NRXN3: variants seen among roughly 807,000 people sequenced by gnomAD.
NRXN3 encodes neurexin 3.
A neutral mutation model predicts 137.6 loss-of-function variants in NRXN3; 32 were observed. The ratio of observed to expected loss-of-function variants is 0.23; its 90% confidence interval spans 0.18 to 0.31. NRXN3 has a LOEUF of 0.31. Ranked by LOEUF, NRXN3 falls within the 10% of genes least tolerant of loss-of-function variation. The pLI, the probability that NRXN3 is intolerant of heterozygous loss-of-function variation, is 1.00. For synonymous variants in NRXN3, 798 were observed against 784.5 expected (o/e 1.02, Z -0.29); for missense variants, 1,574 against 2,062.5 (o/e 0.76, Z 4.59).
At chr14:79,092,250 G>A (rs2049346774) in intron 15 of NRXN3, among the ~76,000 whole-genome samples, 1 of 152,196 alleles carries the variant, frequency 6.6e-6, no homozygotes, top group South Asian at 2.1e-4. Context: ...CAGAACTAAA[G>A]AGAAGATCAG....
chr14:78,251,628 A>G (rs56007990), intron 2 of NRXN3, among the ~76,000 whole-genome samples: 1 of 152,144 alleles, frequency 6.6e-6, no homozygotes, highest in South Asian at 2.1e-4. Flanking sequence ...CCATAGGTGG[A>G]CGAATCAGAG....
chr14:79,540,712 A>G lies in NRXN3; in HGVS notation c.3444+73310A>G, dbSNP rs1044495510. On this transcript the variant is annotated intron_variant, in intron 16 of 20. Transcript: ENST00000335750. ...GAGGACATGTAAATAAGATTGAGGG[A>G]GGTTCAAGAAGGCTTTTCAGGAGAG... Among the ~76,000 whole-genome samples, 5 of 152,198 alleles carry G rather than the reference A, an allele frequency of 3.3e-5. No individual in the cohort carries two copies. In the East Asian group the frequency reaches 9.6e-4, roughly 29 times the overall value.
chr14:79,637,946 T>C (rs1364748697), intron 16 of NRXN3, among the ~76,000 whole-genome samples: 1 of 151,916 alleles, frequency 6.6e-6, no homozygotes, highest in Non-Finnish European at 1.5e-5. Context: ...GCCAGGCTGG[T>C]CTTGAACTCC....
rs936171215 is a variant in NRXN3, at chr14:79,764,034, T to C, written c.4015-41078T>C. On this transcript the variant is annotated intron_variant, in intron 19 of 20. Transcript: ENST00000335750. The stretch of plus-strand genomic sequence containing the variant: ...ACACACAGGGAGGGTATGTTGTTTC[T>C]AAAGTAAAAATTAACTCTTTTGTAA... Among the ~76,000 whole-genome samples the C allele has an allele frequency of 4.1e-5, 6 of 148,124 alleles. No individual in the cohort carries two copies. In the East Asian group the frequency reaches 9.6e-4, roughly 24 times the overall value.
chr14:78,194,876 G>A (rs543598259), intron 1 of NRXN3, among the ~76,000 whole-genome samples: 1 of 152,344 alleles, frequency 6.6e-6, no homozygotes, highest in South Asian at 2.1e-4. Context: ...CCTTGGCACT[G>A]GTTTGAATGC....
At chr14:78,547,174 A>G (rs1408997615) in intron 4 of NRXN3, among the ~76,000 whole-genome samples, 2 of 151,640 alleles carry the variant, frequency 1.3e-5, no homozygotes, top group African/African-American at 4.8e-5. Context: ...TCTGATATCT[A>G]TGAAGTCCAG....
In NRXN3 at chr14:78,569,112, C is replaced by T. The variant is rs1402521322; in HGVS notation, c.758-76008C>T. On this transcript the variant is annotated intron_variant, in intron 4 of 20. Transcript: ENST00000335750. The stretch of plus-strand genomic sequence containing the variant: ...CCTCCTGAGTAGCTGGGACTACAGG[C>T]GCCAGCCACCACGCCTGGCTAATTT... Among the ~76,000 whole-genome samples, 13 of 147,660 alleles carry T rather than the reference C, an allele frequency of 8.8e-5. No homozygotes were observed. The East Asian group carries it at 1.4e-3, about 16-fold the overall frequency.
chr14:78,782,111 C>T (rs1041914947), intron 8 of NRXN3, among the ~76,000 whole-genome samples: 1 of 152,204 alleles, frequency 6.6e-6, no homozygotes, highest in Non-Finnish European at 1.5e-5. Context: ...AGCTCCAGCA[C>T]ATTGGTATTA....
In NRXN3 at chr14:79,088,738, T is replaced by C. The variant is rs374555650; in HGVS notation, c.3262+100597T>C. Among the ~76,000 whole-genome samples, 7 of 152,322 alleles carry C rather than the reference T, an allele frequency of 4.6e-5. 1 individual carries two copies. Among genetic ancestry groups the C allele is most frequent in the African/African-American group, 1.7e-4 (7 of 41,584 alleles). ...TTTACTGTGTTGGCTTTGATATTCTTTAATTTCTTTGTTATATCAGCCCTT... is the reference window on the plus strand; with the variant it reads ...TTTACTGTGTTGGCTTTGATATTCTCTAATTTCTTTGTTATATCAGCCCTT... On this transcript the variant is annotated intron_variant, in intron 15 of 20. Transcript: ENST00000335750.
At chr14:79,845,067 C>G (rs541684886) in intron 20 of NRXN3, among the ~76,000 whole-genome samples, 2 of 152,054 alleles carry the variant, frequency 1.3e-5, no homozygotes, top group East Asian at 3.9e-4. Context: ...TCTTAAACCT[C>G]ATGAACCAAC....
At chr14:79,450,634 G>A (rs150131918) in intron 15 of NRXN3, among the ~76,000 whole-genome samples, 426 of 152,182 alleles carry the variant, frequency 2.8e-3, no homozygotes, top group African/African-American at 9.5e-3. Context: ...CGAGGTGGGA[G>A]GATCTCTTGA....
chr14:79,847,756 G>C (rs754499986), intron 20 of NRXN3, among the ~76,000 whole-genome samples: 1 of 152,136 alleles, frequency 6.6e-6, no homozygotes, highest in Non-Finnish European at 1.5e-5. Flanking sequence ...TTAGAATTGT[G>C]TAGTAAGATG....
At chr14:78,742,516 G>T (rs2098582478) in intron 8 of NRXN3, among the ~76,000 whole-genome samples, 1 of 152,184 alleles carries the variant, frequency 6.6e-6, no homozygotes, top group African/African-American at 2.4e-5. Context: ...TTAAGCATTA[G>T]TTAAGCAACA....
intron 4 of NRXN3, among the ~76,000 whole-genome samples, chr14:78,436,323 G>C (rs912899980): frequency 6.6e-6 from 1 of 152,186 alleles, no homozygotes; most frequent in Non-Finnish European, 1.5e-5. Context: ...GTCACCTACT[G>C]TATGTCAGGG....
chr14:79,250,371 A>G (rs1439762342), intron 15 of NRXN3, among the ~76,000 whole-genome samples: 1 of 152,198 alleles, frequency 6.6e-6, no homozygotes, highest in African/African-American at 2.4e-5. Flanking sequence ...ACAAGGATGG[A>G]TGTTATTAAA....
chr14:79,150,083 T>C lies in NRXN3; in HGVS notation c.3262+161942T>C, dbSNP rs142433549. 2.7e-3 allele frequency among the ~76,000 whole-genome samples: 413 copies of C among 152,142 alleles called. 1 individual carries two copies. Among genetic ancestry groups the C allele is most frequent in the African/African-American group, 9.7e-3 (402 of 41,516 alleles). On this transcript the variant is annotated intron_variant, in intron 15 of 20. Coordinates refer to ENST00000335750, the MANE Select transcript of NRXN3 (RefSeq NM_001330195.2). ...TTCTCACACAGAACACAGGCAAGCATGTCTAACATGTTCCATTCTAAGTCT... is the reference window on the plus strand; with the variant it reads ...TTCTCACACAGAACACAGGCAAGCACGTCTAACATGTTCCATTCTAAGTCT...
chr14:79,212,076 A>G (rs955548596), intron 15 of NRXN3, among the ~76,000 whole-genome samples: 10 of 152,112 alleles, frequency 6.6e-5, no homozygotes, highest in African/African-American at 2.4e-4. Context: ...GTGCATGTTC[A>G]GGAATCTGTG....
chr14:79,801,733 G>C (rs1233403142), intron 19 of NRXN3, among the ~76,000 whole-genome samples: 1 of 152,172 alleles, frequency 6.6e-6, no homozygotes, highest in Non-Finnish European at 1.5e-5. Flanking sequence ...TGTTGCCTGG[G>C]AAGAACACTG....
chr14:79,431,017 C>T (rs1037854266), intron 15 of NRXN3, among the ~76,000 whole-genome samples: 5 of 152,200 alleles, frequency 3.3e-5, no homozygotes, highest in African/African-American at 9.6e-5. Context: ...AAATTACCAT[C>T]CTCTCACTGA....
Sources: allele counts gnomAD v4.1 joint callset (sites outside exome capture counted in the v4.1 genomes callset), GRCh38; gene constraint gnomAD v4.1.1; transcripts MANE v1.5; gene names NCBI Gene and HGNC (gene_info 2026-07-23, HGNC 2026-07-21).